Variants in PHYHIPL observed in about 807,000 individuals in gnomAD.
The protein encoded by PHYHIPL is phytanoyl-CoA hydroxylase-interacting protein-like.
In PHYHIPL, 9 loss-of-function variants were observed where a neutral mutation model predicts 33.4. The observed-to-expected ratio is 0.27, with a 90% CI of 0.16 to 0.47. The LOEUF is 0.47. Among genes scored for constraint, PHYHIPL ranks in the 20% least tolerant of loss-of-function variants. The pLI is 0.99. For synonymous variants in PHYHIPL, 153 were observed against 154.1 expected (o/e 0.99, Z 0.05); for missense variants, 365 against 460.7 (o/e 0.79, Z 1.90).
At chr10:59,187,277 CG>C in intron 1 of PHYHIPL, among the ~76,000 whole-genome samples, 1 of 152,130 alleles carries the variant, frequency 6.6e-6, no homozygotes, top group Middle Eastern at 3.4e-3. Context: ...TATTGATTTG[CG>C]TATGTTGAAC....
intron 1 of PHYHIPL, among the ~76,000 whole-genome samples, chr10:59,228,247 T>A (rs2133273254): frequency 6.6e-6 from 1 of 152,190 alleles, no homozygotes; most frequent in South Asian, 2.1e-4. Flanking sequence ...TGCAATTATA[T>A]GTAGCCATGT....
chr10:59,183,751 A>AC, intron 1 of PHYHIPL: 18 of 825,584 alleles, frequency 2.2e-5, no homozygotes, highest in Non-Finnish European at 2.6e-5. Flanking sequence ...TGAGCCATGT[A>AC]GTGGCTCATT....
chr10:59,222,269 C>G (rs911610349), intron 1 of PHYHIPL, among the ~76,000 whole-genome samples: 6 of 151,804 alleles, frequency 4.0e-5, no homozygotes, highest in Non-Finnish European at 8.8e-5. Context: ...GCTTTTTTAA[C>G]CATCTTTATT....
At chr10:59,198,811 A>G (rs1004459194) in intron 1 of PHYHIPL, among the ~76,000 whole-genome samples, 2 of 152,172 alleles carry the variant, frequency 1.3e-5, no homozygotes, top group Non-Finnish European at 2.9e-5. Flanking sequence ...ACCAGTGATG[A>G]TGAGAGTTTT....
chr10:59,232,796 T>A (rs565152766), intron 1 of PHYHIPL, among the ~76,000 whole-genome samples: 4 of 152,094 alleles, frequency 2.6e-5, no homozygotes, highest in African/African-American at 9.6e-5. Context: ...CTATTACTGA[T>A]GTTTAAAGAC....
intron 1 of PHYHIPL, 192 bp downstream of exon 1, chr10:59,177,151 C>G (rs993666769): frequency 1.6e-6 from 1 of 611,134 alleles, no homozygotes; most frequent in Non-Finnish European, 2.8e-6. Flanking sequence ...GACCCCGGGG[C>G]TCGCGCCTTG....
intron 1 of PHYHIPL, among the ~76,000 whole-genome samples, chr10:59,182,545 G>C (rs528016722): frequency 6.6e-6 from 1 of 152,228 alleles, no homozygotes; most frequent in South Asian, 2.1e-4. Flanking sequence ...GTTTCACCAT[G>C]TTGGCCAGGC....
chr10:59,229,099 T>G (rs573980766), intron 1 of PHYHIPL, among the ~76,000 whole-genome samples: 1 of 152,268 alleles, frequency 6.6e-6, no homozygotes, highest in African/African-American at 2.4e-5. Context: ...ATAAAACTGC[T>G]TTTTTGGATT....
chr10:59,228,537 G>A (rs769838307), intron 1 of PHYHIPL, among the ~76,000 whole-genome samples: 19 of 152,202 alleles, frequency 1.2e-4, no homozygotes, highest in Non-Finnish European at 2.4e-4. Flanking sequence ...GAAGAGGAAA[G>A]CAGTTTTCCC....
intron 1 of PHYHIPL, chr10:59,177,413 A>G (rs1352513215): frequency 1.4e-6 from 2 of 1,432,492 alleles, no homozygotes; most frequent in Non-Finnish European, 1.8e-6. Flanking sequence ...TTCTTTTTTA[A>G]ACCTCCCATC....
At chr10:59,220,450 A>G (rs1839737848) in intron 1 of PHYHIPL, among the ~76,000 whole-genome samples, 1 of 152,212 alleles carries the variant, frequency 6.6e-6, no homozygotes, top group Admixed American at 6.5e-5. Context: ...AAATATTACC[A>G]GAAAATAATT....
rs1840194141 is a variant in PHYHIPL at position 59,235,373 on chromosome 10, C to G, written c.303+873C>G. Among the ~76,000 whole-genome samples the G allele has an allele frequency of 7.2e-5, 11 of 151,914 alleles. 1 individual carries two copies. In the South Asian group the frequency reaches 2.3e-3, roughly 31 times the overall value. On this transcript the variant is annotated intron_variant, in intron 2 of 4. Transcript: ENST00000373880. ...GAAATTAACAGTTATCTGCTTTAAGCATTCTTTCTTATGTTGCAGTGTTTT... is the reference window on the plus strand; with the variant it reads ...GAAATTAACAGTTATCTGCTTTAAGGATTCTTTCTTATGTTGCAGTGTTTT...
Position 59,246,726 on chromosome 10 carries a change from G to T in PHYHIPL, c.*1135G>T. The stretch of plus-strand genomic sequence containing the variant: ...AACTACAGCTCATGGGAAATGTTTT[G>T]ACTTTACAAAGTATAGATGTTGGAA... On this transcript the variant is annotated 3_prime_UTR_variant, in exon 5 of 5. Transcript: ENST00000373880. 1 of 396,890 alleles carries T rather than the reference G, an allele frequency of 2.5e-6. No individual in the cohort carries two copies. Among genetic ancestry groups the T allele is most frequent in the South Asian group, 1.3e-4 (1 of 7,778 alleles). The allele number at this position is 396,890 out of a possible 1,614,324, so 24.6% of individuals were successfully genotyped here.
intron 1 of PHYHIPL, among the ~76,000 whole-genome samples, chr10:59,195,854 G>C (rs1303549124): frequency 6.6e-6 from 1 of 152,036 alleles, no homozygotes; most frequent in Non-Finnish European, 1.5e-5. Flanking sequence ...TGATGTTTAT[G>C]AACTCCAGAA....
In PHYHIPL at chr10:59,245,709, AAAAC is replaced by A; in HGVS notation, c.*125_*128del. 8.8e-7 allele frequency: 1 copy of A among 1,142,082 alleles called. No homozygotes were observed. Among genetic ancestry groups the A allele is most frequent in the Non-Finnish European group, 1.2e-6 (1 of 819,132 alleles). 70.7% of individuals were successfully genotyped at this position (1,142,082 alleles called of 1,614,324 possible). On this transcript the variant is annotated 3_prime_UTR_variant, in exon 5 of 5. Coordinates refer to ENST00000373880, the MANE Select transcript of PHYHIPL (RefSeq NM_032439.4). ...GAAGCATGCACATGCCACTGTCACC[AAAAC>A]AAACAACTACCACTTTCCAAATTTC...
At chr10:59,229,655 T>A (rs1840021811) in intron 1 of PHYHIPL, among the ~76,000 whole-genome samples, 1 of 150,790 alleles carries the variant, frequency 6.6e-6, no homozygotes, top group African/African-American at 2.5e-5. Context: ...TGCCATGTGG[T>A]CAGAACAAAT....
chr10:59,247,764 T>C lies in PHYHIPL; in HGVS notation c.*2173T>C. ...TGCAAAACAAAAATACATTTGTTAG[T>C]TCACAATGAATCAAGTCATTATTTA... On this transcript the variant is annotated 3_prime_UTR_variant, in exon 5 of 5. Transcript: ENST00000373880. The C allele has an allele frequency of 6.3e-7, 1 of 1,599,002 alleles. No individual in the cohort carries two copies. The highest frequency in any genetic ancestry group is 8.5e-7 in the Non-Finnish European group (1 of 1,170,386).
At chr10:59,174,104 T>A (rs1224860708), upstream of PHYHIPL, among the ~76,000 whole-genome samples, 1 of 151,860 alleles carries the variant, frequency 6.6e-6, no homozygotes, top group Admixed American at 6.6e-5. Flanking sequence ...TTCCCAGATA[T>A]CTGAGAATTG....
chr10:59,228,808 T>C (rs1033606477), intron 1 of PHYHIPL, among the ~76,000 whole-genome samples: 1 of 152,128 alleles, frequency 6.6e-6, no homozygotes, highest in Admixed American at 6.5e-5. Flanking sequence ...ACTACCATCA[T>C]TACCTTTGCA....
Sources: gnomAD v4.1 joint callset for allele counts (sites outside exome capture counted in the v4.1 genomes callset) on GRCh38, gnomAD v4.1.1 for gene constraint, MANE v1.5 for transcripts, NCBI Gene and HGNC (gene_info 2026-07-23, HGNC 2026-07-21) for gene names.